KHDRBS2: variants seen among roughly 807,000 people sequenced by gnomAD.
KHDRBS2 encodes the protein KH RNA binding domain containing, signal transduction associated 2, also known as KH domain-containing, RNA-binding, signal transduction-associated protein 2.
Under a neutral mutation model 44.3 loss-of-function variants are expected in KHDRBS2, and 26 were observed. That is an observed-to-expected ratio of 0.59 (90% confidence interval 0.43 to 0.81). The LOEUF (loss-of-function observed/expected upper bound fraction) is 0.81. Ranked by LOEUF, KHDRBS2 falls within the 40% of genes least tolerant of loss-of-function variation. The probability of loss-of-function intolerance (pLI) is 0.00; values close to 1 mark genes in which losing one functional copy is unlikely to be tolerated. For missense variants in KHDRBS2, 476 were observed against 433.1 expected (o/e 1.10, Z -0.88); for synonymous variants, 194 against 151.1 (o/e 1.28, Z -2.08).
intron 1 of KHDRBS2, among the ~76,000 whole-genome samples, chr6:62,283,399 T>C: frequency 6.6e-6 from 1 of 152,144 alleles, no homozygotes; most frequent in South Asian, 2.1e-4. Context: ...CCAATCAAAA[T>C]GCAAAATAAA....
In KHDRBS2 at chr6:61,941,582, G is replaced by T. The variant is rs533409178; in HGVS notation, c.483+36484C>A. ...CTGATCTAACCTGGTGCTGCAGTCC[G>T]CAGGAAAACTTTACCACAGCCTCCA... On this transcript the variant is annotated intron_variant, in intron 4 of 8. Coordinates refer to ENST00000281156, the MANE Select transcript of KHDRBS2 (RefSeq NM_152688.4). Among the ~76,000 whole-genome samples the T allele has an allele frequency of 2.6e-5, 4 of 151,974 alleles. No homozygotes were observed. In the East Asian group the frequency reaches 7.7e-4, roughly 29 times the overall value.
the KHDRBS2 span, among the ~76,000 whole-genome samples, chr6:61,668,060 ATTTTTATCGAGAAC>A: frequency 6.6e-6 from 1 of 151,044 alleles, no homozygotes; most frequent in Non-Finnish European, 1.5e-5. Flanking sequence ...TAAAAAATGC[ATTTTTATCGAGAAC>A]TTTATATTGT....
chr6:61,633,179 G>T, the KHDRBS2 span, among the ~76,000 whole-genome samples: 1 of 151,910 alleles, frequency 6.6e-6, no homozygotes, highest in Non-Finnish European at 1.5e-5. Context: ...CCAAATAAAA[G>T]AACTGTTTCC....
chr6:61,976,537 CTATTA>C (rs554852387), intron 4 of KHDRBS2, among the ~76,000 whole-genome samples: 2 of 151,888 alleles, frequency 1.3e-5, no homozygotes, highest in East Asian at 1.9e-4. Flanking sequence ...CTTGATATTT[CTATTA>C]TATTTTCTAC....
the KHDRBS2 span, among the ~76,000 whole-genome samples, chr6:61,617,484 T>C: frequency 6.6e-6 from 1 of 152,294 alleles, no homozygotes; most frequent in South Asian, 2.1e-4. Context: ...AGCAGTGCTT[T>C]ATAACATTTA....
chr6:61,558,037 C>G, the KHDRBS2 span, among the ~76,000 whole-genome samples: 1 of 152,152 alleles, frequency 6.6e-6, no homozygotes, highest in Admixed American at 6.5e-5. Context: ...CTTAGTCTGG[C>G]TAAAGAGTTA....
At chr6:62,203,408 G>C (rs1399790249) in intron 1 of KHDRBS2, among the ~76,000 whole-genome samples, 1 of 152,090 alleles carries the variant, frequency 6.6e-6, no homozygotes, top group African/African-American at 2.4e-5. Context: ...TATTTATTTA[G>C]AAGATAAATT....
chr6:61,634,422 G>C, the KHDRBS2 span, among the ~76,000 whole-genome samples: 1 of 152,070 alleles, frequency 6.6e-6, no homozygotes, highest in South Asian at 2.1e-4. Context: ...ATTCTTACTG[G>C]ACTGGGATGG....
Position 61,885,522 on chromosome 6 carries a change from T to C in KHDRBS2, c.810+9113A>G, listed in dbSNP as rs186329104. 5.9e-5 allele frequency among the ~76,000 whole-genome samples: 9 copies of C among 152,314 alleles called. No homozygotes were observed. The East Asian group carries it at 1.7e-3, about 29-fold the overall frequency. On this transcript the variant is annotated intron_variant, in intron 6 of 8. Transcript: ENST00000281156. ...CAGTAAAACCTCTATCTGTGAATACTTGTGTCACAACACTATGTGAGATGG... is the reference window on the plus strand; with the variant it reads ...CAGTAAAACCTCTATCTGTGAATACCTGTGTCACAACACTATGTGAGATGG...
chr6:62,124,586 TAC>T (rs57845781), intron 2 of KHDRBS2, among the ~76,000 whole-genome samples: 2,701 of 144,976 alleles, frequency 0.019, 65 homozygotes, highest in African/African-American at 0.061. Flanking sequence ...TGAACTATAC[TAC>T]ACACACACAC....
intron 6 of KHDRBS2, among the ~76,000 whole-genome samples, chr6:61,782,779 A>G (rs1203278425): frequency 5.5e-5 from 8 of 145,312 alleles, no homozygotes; most frequent in Non-Finnish European, 7.6e-5. Context: ...ATATGTCTGT[A>G]TGTGTATATA....
intron 6 of KHDRBS2, among the ~76,000 whole-genome samples, chr6:61,807,458 G>A (rs1164718265): frequency 6.6e-6 from 1 of 152,050 alleles, no homozygotes; most frequent in Non-Finnish European, 1.5e-5. Context: ...AGAAAATGTG[G>A]TACATATACA....
At chr6:61,549,868 A>G in the KHDRBS2 span, among the ~76,000 whole-genome samples, 1 of 152,160 alleles carries the variant, frequency 6.6e-6, no homozygotes, top group African/African-American at 2.4e-5. Context: ...CTATTAGGTT[A>G]TATTCTAGGT....
rs182483753 is a variant in KHDRBS2, at chr6:62,228,972, A to G, written c.92-51660T>C. On this transcript the variant is annotated intron_variant, in intron 1 of 8. Coordinates refer to ENST00000281156, the MANE Select transcript of KHDRBS2 (RefSeq NM_152688.4). ...TCTGACAACCCTGTTGGAGGATCTCACCCAGTTGGGTGGCACGAGGAGCAG... is the reference window on the plus strand; with the variant it reads ...TCTGACAACCCTGTTGGAGGATCTCGCCCAGTTGGGTGGCACGAGGAGCAG... 5.3e-5 allele frequency among the ~76,000 whole-genome samples: 8 copies of G among 152,202 alleles called. No individual in the cohort carries two copies. In the East Asian group the frequency reaches 1.6e-3, roughly 30 times the overall value.
intron 7 of KHDRBS2, among the ~76,000 whole-genome samples, chr6:61,716,380 CTTG>C (rs559394714): frequency 1.3e-4 from 20 of 151,926 alleles, no homozygotes; most frequent in Non-Finnish European, 2.4e-4. Flanking sequence ...ACAAGCCACC[CTTG>C]TTGTACTTTG....
chr6:62,230,856 C>T (rs1396632948), intron 1 of KHDRBS2, among the ~76,000 whole-genome samples: 1 of 151,968 alleles, frequency 6.6e-6, no homozygotes, highest in African/African-American at 2.4e-5. Context: ...ACTTAATAAC[C>T]TATGATGACC....
chr6:62,131,306 A>G lies in KHDRBS2; in HGVS notation c.219+45879T>C, dbSNP rs561706118. 2.2e-3 allele frequency among the ~76,000 whole-genome samples: 328 copies of G among 152,308 alleles called. 1 individual carries two copies. Among genetic ancestry groups the G allele is most frequent in the African/African-American group, 7.4e-3 (308 of 41,568 alleles). Reference sequence around the variant, plus strand: ...TGTTAAGTGAAGAAATATTTCCTTAATTAAATCGTTACAAGGATGCTTTTA... The same window carrying G: ...TGTTAAGTGAAGAAATATTTCCTTAGTTAAATCGTTACAAGGATGCTTTTA... On this transcript the variant is annotated intron_variant, in intron 2 of 8. Coordinates refer to ENST00000281156, the MANE Select transcript of KHDRBS2 (RefSeq NM_152688.4).
At chr6:61,709,508 T>C (rs552540347) in intron 7 of KHDRBS2, among the ~76,000 whole-genome samples, 1 of 151,844 alleles carries the variant, frequency 6.6e-6, no homozygotes, top group South Asian at 2.1e-4. Flanking sequence ...GCTTTTTGAA[T>C]ATAACAATGT....
intron 4 of KHDRBS2, among the ~76,000 whole-genome samples, chr6:61,931,423 AAAGATGTT>A (rs924685127): frequency 6.6e-6 from 1 of 152,020 alleles, no homozygotes; most frequent in Admixed American, 6.6e-5. Flanking sequence ...ATAAAATATT[AAAGATGTT>A]AAGAATATAT....
Sources: gnomAD v4.1 joint callset for allele counts (sites outside exome capture counted in the v4.1 genomes callset) on GRCh38, gnomAD v4.1.1 for gene constraint, MANE v1.5 for transcripts, NCBI Gene and HGNC (gene_info 2026-07-23, HGNC 2026-07-21) for gene names.